Variants in XYLT1 observed in about 807,000 individuals in gnomAD.
XYLT1 encodes beta-D-xylosyltransferase 1.
Under a neutral mutation model 91.3 loss-of-function variants are expected in XYLT1, and 36 were observed. The ratio of observed to expected loss-of-function variants is 0.39; its 90% CI spans 0.30 to 0.52. The LOEUF (loss-of-function observed/expected upper bound fraction) is 0.52, where lower values mean the gene tolerates loss of function less well. XYLT1 is among the 20% of genes least tolerant of loss of function. The pLI is 0.68. For missense variants in XYLT1, 1,242 were observed against 1,284.5 expected (o/e 0.97, Z 0.51); for synonymous variants, 588 against 532.0 (o/e 1.11, Z -1.45).
intron 1 of XYLT1, 80 bp from the exon 2 acceptor site, chr16:17,358,130 CTTTT>C (rs573822407): frequency 8.9e-5 from 99 of 1,118,068 alleles, no homozygotes; most frequent in East Asian, 2.2e-4. Context: ...TCTTTCTTTC[CTTTT>C]TTTTTTTTTT....
chr16:17,311,874 C>T lies in XYLT1; in HGVS notation c.402+46138G>A, dbSNP rs377443038. On this transcript the variant is annotated intron_variant, in intron 2 of 11. Transcript: ENST00000261381. ...TGAGAGCCAAGCAAAAGGGGTTTCC[C>T]CTTATAAAACCATCAGATCTCATGA... Among the ~76,000 whole-genome samples, 28 of 152,178 alleles carry T rather than the reference C, an allele frequency of 1.8e-4. No homozygotes were observed. In the East Asian group the frequency reaches 3.5e-3, roughly 19 times the overall value.
intron 5 of XYLT1, among the ~76,000 whole-genome samples, chr16:17,160,795 GGACA>G (rs2031530645): frequency 6.6e-6 from 1 of 152,140 alleles, no homozygotes. Flanking sequence ...TAGTTTGTGG[GGACA>G]GAGCCTCTTT....
At chr16:17,332,854 C>G (rs1276427572) in intron 2 of XYLT1, among the ~76,000 whole-genome samples, 1 of 152,048 alleles carries the variant, frequency 6.6e-6, no homozygotes, top group South Asian at 2.1e-4. Flanking sequence ...TGTCTGTCCG[C>G]AGGAGCTCCG....
chr16:17,193,203 G>A (rs1244065115), intron 5 of XYLT1: 2 of 152,170 alleles, frequency 1.3e-5, no homozygotes, highest in African/African-American at 2.4e-5. Context: ...AGTAACTCAA[G>A]TCCCACAGTT....
At chr16:17,422,275 C>T (rs1436841640) in intron 1 of XYLT1, among the ~76,000 whole-genome samples, 1 of 149,634 alleles carries the variant, frequency 6.7e-6, no homozygotes, top group African/African-American at 2.4e-5. Flanking sequence ...TAGATCACTA[C>T]AGCCTCAACC....
chr16:17,271,872 C>A (rs967815823), intron 2 of XYLT1, among the ~76,000 whole-genome samples: 1 of 152,108 alleles, frequency 6.6e-6, no homozygotes, highest in Admixed American at 6.6e-5. Context: ...CAGAAACAGA[C>A]CCTGGCATCC....
intron 1 of XYLT1, among the ~76,000 whole-genome samples, chr16:17,419,574 C>T (rs948855509): frequency 2.0e-5 from 3 of 152,172 alleles, no homozygotes; most frequent in Non-Finnish European, 2.9e-5. Context: ...GCAGTAGCCA[C>T]GCAGTTTGTA....
intron 3 of XYLT1, among the ~76,000 whole-genome samples, chr16:17,201,746 G>T (rs1054759555): frequency 6.6e-6 from 1 of 152,134 alleles, no homozygotes; most frequent in Non-Finnish European, 1.5e-5. Context: ...AAAGTGCTGG[G>T]ATTACAGACG....
intron 3 of XYLT1, among the ~76,000 whole-genome samples, chr16:17,217,544 T>C (rs2032882976): frequency 6.6e-6 from 1 of 152,370 alleles, no homozygotes; most frequent in Non-Finnish European, 1.5e-5. Flanking sequence ...TGTCAGTGAA[T>C]ACAGGCATTC....
At chr16:17,349,935 G>A (rs1235815729) in intron 2 of XYLT1, among the ~76,000 whole-genome samples, 1 of 151,812 alleles carries the variant, frequency 6.6e-6, no homozygotes, top group Non-Finnish European at 1.5e-5. Flanking sequence ...GTGCAGTGGT[G>A]CAATCTCAGC....
chr16:17,431,915 G>A (rs1567200892), intron 1 of XYLT1, among the ~76,000 whole-genome samples: 1 of 152,238 alleles, frequency 6.6e-6, no homozygotes, highest in Non-Finnish European at 1.5e-5. Flanking sequence ...GGGTCTGGAA[G>A]CTCTGAATTT....
chr16:17,251,838 G>GTTCCCTGCAACCAT (rs2033544544), intron 3 of XYLT1, among the ~76,000 whole-genome samples: 1 of 152,130 alleles, frequency 6.6e-6, no homozygotes, highest in African/African-American at 2.4e-5. Context: ...GGGAAGAGGT[G>GTTCCCTGCAACCAT]GTCCTGGAAG....
Position 17,180,425 on chromosome 16 carries a change from G to A in XYLT1, c.1289+17787C>T, listed in dbSNP as rs77282978. Among the ~76,000 whole-genome samples the A allele has an allele frequency of 2.7e-3, 416 of 152,138 alleles. 2 individuals are homozygous for A. The highest frequency in any genetic ancestry group is 9.3e-3 in the African/African-American group (388 of 41,504). On this transcript the variant is annotated intron_variant, in intron 5 of 11. Transcript: ENST00000261381. ...TCTGCTTGGCCTTAAACCAGATTCCGGCATCCTGAAGAGCATGATTAGACT... is the reference window on the plus strand; with the variant it reads ...TCTGCTTGGCCTTAAACCAGATTCCAGCATCCTGAAGAGCATGATTAGACT...
chr16:17,227,492 C>G (rs1392112855), intron 3 of XYLT1: 1 of 152,318 alleles, frequency 6.6e-6, no homozygotes, highest in Admixed American at 6.5e-5. Flanking sequence ...TAGTTCTCAT[C>G]TCTCTTGTCA....
intron 3 of XYLT1, among the ~76,000 whole-genome samples, chr16:17,252,066 G>A (rs527945045): frequency 3.9e-5 from 6 of 152,012 alleles, no homozygotes; most frequent in Admixed American, 2.6e-4. Flanking sequence ...TCTTCTTGTC[G>A]CCCCTTCATT....
chr16:17,203,795 A>G (rs2032587154), intron 3 of XYLT1, among the ~76,000 whole-genome samples: 2 of 152,224 alleles, frequency 1.3e-5, no homozygotes, highest in Admixed American at 1.3e-4. Flanking sequence ...AGCCTCCAAG[A>G]GCTTATCATC....
intron 1 of XYLT1, among the ~76,000 whole-genome samples, chr16:17,377,832 A>G (rs2141880457): frequency 6.6e-6 from 1 of 152,332 alleles, no homozygotes. Context: ...GCTCTGGATC[A>G]GCCCACTGGG....
intron 9 of XYLT1, among the ~76,000 whole-genome samples, chr16:17,133,137 C>T (rs569255717): frequency 8.5e-5 from 13 of 152,176 alleles, no homozygotes; most frequent in South Asian, 4.2e-4. Context: ...AGAAACTTTA[C>T]GGAGAGAGAA....
At chr16:17,144,105 A>C (rs770536247) in intron 6 of XYLT1, among the ~76,000 whole-genome samples, 5 of 151,894 alleles carry the variant, frequency 3.3e-5, no homozygotes, top group Non-Finnish European at 5.9e-5. Flanking sequence ...AACTTGCCAT[A>C]GCACATTTCT....
Sources: allele counts gnomAD v4.1 joint callset (sites outside exome capture counted in the v4.1 genomes callset), GRCh38; gene constraint gnomAD v4.1.1; transcripts MANE v1.5; gene names NCBI Gene and HGNC (gene_info 2026-07-23, HGNC 2026-07-21).